The following WDPCP variants were observed in gnomAD, a reference collection of about 807,000 sequenced individuals.
The protein encoded by WDPCP is WD repeat-containing and planar cell polarity effector protein fritz homolog.
In WDPCP, 71 loss-of-function variants were observed where a neutral mutation model predicts 93.1. The observed-to-expected ratio is 0.76, with a 90% CI of 0.63 to 0.93. The LOEUF is 0.93. Among genes scored for constraint, WDPCP ranks in the 40% least tolerant of loss-of-function variants. The probability of loss-of-function intolerance (pLI) is 0.00; values close to 1 mark genes in which losing one functional copy is unlikely to be tolerated. For missense variants in WDPCP, 844 were observed against 887.4 expected (o/e 0.95, Z 0.62); for synonymous variants, 315 against 315.0 (o/e 1.00, Z 0.00).
intron 9 of WDPCP, among the ~76,000 whole-genome samples, chr2:63,423,527 G>A (rs1696028212): frequency 6.6e-6 from 1 of 152,152 alleles, no homozygotes; most frequent in Non-Finnish European, 1.5e-5. Context: ...TAATAGCTCT[G>A]CTTATATATT....
chr2:63,521,319 C>T (rs185125879), intron 1 of WDPCP, among the ~76,000 whole-genome samples: 31 of 152,308 alleles, frequency 2.0e-4, no homozygotes, highest in African/African-American at 6.0e-4. Flanking sequence ...ACTCGTCTCA[C>T]ATGGCATTAG....
chr2:63,751,859 A>C, intron 2 of WDPCP: 3 of 678,058 alleles, frequency 4.4e-6, no homozygotes, highest in Non-Finnish European at 8.3e-6. Context: ...TAATTGCCAA[A>C]AGCATTGTAG....
intron 2 of WDPCP, among the ~76,000 whole-genome samples, chr2:63,775,185 G>A (rs1426211283): frequency 2.0e-4 from 31 of 152,168 alleles, no homozygotes; most frequent in Non-Finnish European, 1.5e-5. Context: ...GTGGATTATT[G>A]TCTGAAATGA....
chr2:63,627,044 G>T (rs892746634), intron 3 of WDPCP, among the ~76,000 whole-genome samples: 1 of 151,136 alleles, frequency 6.6e-6, no homozygotes, highest in Admixed American at 6.6e-5. Flanking sequence ...CCAAGAATTA[G>T]TTGAATGACA....
At chr2:63,350,304 G>T (rs1000484414) in intron 12 of WDPCP, among the ~76,000 whole-genome samples, 2 of 152,098 alleles carry the variant, frequency 1.3e-5, no homozygotes, top group South Asian at 2.1e-4. Context: ...GTGCAGGGCT[G>T]GGGGAGGGAT....
chr2:63,772,679 T>G (rs866644137), intron 2 of WDPCP, among the ~76,000 whole-genome samples: 1 of 152,036 alleles, frequency 6.6e-6, no homozygotes. Context: ...GAATAAAAGA[T>G]ATCAACTATA....
At chr2:63,559,616 C>T (rs77682276) in intron 1 of WDPCP, among the ~76,000 whole-genome samples, 1 of 152,114 alleles carries the variant, frequency 6.6e-6, no homozygotes, top group East Asian at 1.9e-4. Flanking sequence ...ACAACCATTC[C>T]TATACACCAA....
intron 1 of WDPCP, among the ~76,000 whole-genome samples, chr2:63,568,304 A>T (rs1707223200): frequency 6.6e-6 from 1 of 151,904 alleles, no homozygotes; most frequent in Admixed American, 6.6e-5. Flanking sequence ...GGTTAGAAAG[A>T]AGGAAGAAGT....
At chr2:63,403,383 C>T (rs1694299961) in intron 10 of WDPCP, among the ~76,000 whole-genome samples, 1 of 151,848 alleles carries the variant, frequency 6.6e-6, no homozygotes, top group Admixed American at 6.6e-5. Flanking sequence ...GACACGTTTA[C>T]CTATATAACA....
chr2:63,644,475 C>T (rs375157432), intron 3 of WDPCP, among the ~76,000 whole-genome samples: 1 of 152,098 alleles, frequency 6.6e-6, no homozygotes, highest in Non-Finnish European at 1.5e-5. Context: ...AACTCCTGAC[C>T]TCGTGATCCA....
chr2:63,319,757 C>T (rs1296800306), intron 12 of WDPCP, among the ~76,000 whole-genome samples: 1 of 152,196 alleles, frequency 6.6e-6, no homozygotes, highest in Non-Finnish European at 1.5e-5. Flanking sequence ...GGATTACAGG[C>T]CACTGTGCCT....
chr2:63,120,331 T>C lies in WDPCP; in HGVS notation c.*1675A>G, dbSNP rs151281422. On this transcript the variant is annotated 3_prime_UTR_variant, in exon 18 of 18. Coordinates refer to ENST00000272321, the MANE Select transcript of WDPCP (RefSeq NM_015910.7). ...AAATTTTTTCAGAGCAATAACAAAA[T>C]GAAAAATCTAATTTGAGTTTCACCT... Among the ~76,000 whole-genome samples the C allele has an allele frequency of 2.0e-5, 3 of 152,204 alleles. No homozygotes were observed. The highest frequency in any genetic ancestry group is 6.5e-5 in the Admixed American group (1 of 15,300).
chr2:63,444,712 G>A (rs1480925998), intron 6 of WDPCP, among the ~76,000 whole-genome samples: 2 of 152,138 alleles, frequency 1.3e-5, no homozygotes. Context: ...ATGAACCAAC[G>A]AGAAGGCCAG....
At chr2:63,442,259 T>C (rs1215692935) in intron 6 of WDPCP, 1 of 152,200 alleles carries the variant, frequency 6.6e-6, no homozygotes, top group African/African-American at 2.4e-5. Context: ...TGTCCCTTCA[T>C]TTCCTCACCT....
At chr2:63,468,124 C>T (rs1354128178) in intron 6 of WDPCP, among the ~76,000 whole-genome samples, 2 of 152,170 alleles carry the variant, frequency 1.3e-5, no homozygotes, top group Non-Finnish European at 2.9e-5. Flanking sequence ...CTGGCTGAAA[C>T]TTTCTCAGCA....
At chr2:63,555,559 G>A (rs1239689892) in intron 1 of WDPCP, among the ~76,000 whole-genome samples, 1 of 152,206 alleles carries the variant, frequency 6.6e-6, no homozygotes, top group Non-Finnish European at 1.5e-5. Context: ...CCCCGCAACA[G>A]GGGTTGCAGG....
chr2:63,614,773 A>G (rs1709655398), intron 3 of WDPCP, among the ~76,000 whole-genome samples: 1 of 152,150 alleles, frequency 6.6e-6, no homozygotes, highest in Non-Finnish European at 1.5e-5. Flanking sequence ...TGGAGGATGA[A>G]ATGCTTCCCA....
At chr2:63,699,183 C>T (rs573381790) in intron 2 of WDPCP, among the ~76,000 whole-genome samples, 1 of 152,328 alleles carries the variant, frequency 6.6e-6, no homozygotes, top group Admixed American at 6.5e-5. Flanking sequence ...CAGCCACTGT[C>T]TTTCACCCAT....
intron 12 of WDPCP, among the ~76,000 whole-genome samples, chr2:63,364,146 G>GT (rs1450931391): frequency 4.6e-5 from 7 of 152,088 alleles, no homozygotes; most frequent in Admixed American, 1.3e-4. Flanking sequence ...ATGATTCTTT[G>GT]TTTTTTCATT....
Sources: allele counts gnomAD v4.1 joint callset (sites outside exome capture counted in the v4.1 genomes callset), GRCh38; gene constraint gnomAD v4.1.1; transcripts MANE v1.5; gene names NCBI Gene and HGNC (gene_info 2026-07-23, HGNC 2026-07-21).